Variants in CNIH3 observed in about 807,000 individuals in gnomAD.
The protein encoded by CNIH3 is cornichon family AMPA receptor auxiliary protein 3.
In CNIH3, 14 loss-of-function variants were observed where a neutral mutation model predicts 24.1. The observed-to-expected ratio is 0.58, with a 90% CI of 0.38 to 0.91. CNIH3 has a LOEUF of 0.91. Ranked by LOEUF, CNIH3 falls within the 40% of genes least tolerant of loss-of-function variation. CNIH3 has a pLI of 0.00. For synonymous variants in CNIH3, 68 were observed against 73.8 expected, an observed-to-expected ratio of 0.92 and a Z score of 0.40; for missense variants, 178 against 196.8, an observed-to-expected ratio of 0.90 and a Z score of 0.57.
downstream of CNIH3, among the ~76,000 whole-genome samples, chr1:224,589,405 A>G (rs1181291597): frequency 6.6e-6 from 1 of 152,208 alleles, no homozygotes; most frequent in Non-Finnish European, 1.5e-5. Context: ...GAGAGGGAAT[A>G]TCTGGGGCTA....
intron 3 of CNIH3, among the ~76,000 whole-genome samples, chr1:224,551,860 C>T (rs1462971970): frequency 6.6e-6 from 1 of 150,640 alleles, no homozygotes. Context: ...CCTCTGTGTA[C>T]ACCCACAGTT....
chr1:224,454,495 C>G (rs925699448), intron 1 of CNIH3, among the ~76,000 whole-genome samples: 3 of 152,076 alleles, frequency 2.0e-5, no homozygotes, highest in Non-Finnish European at 4.4e-5. Flanking sequence ...ACTGAGAGAC[C>G]TGGTGAGGAA....
At chr1:224,606,224 C>T (rs1383372671) in intron 3 of CNIH3, among the ~76,000 whole-genome samples, 1 of 152,162 alleles carries the variant, frequency 6.6e-6, no homozygotes, top group Non-Finnish European at 1.5e-5. Context: ...TGTTTAACAG[C>T]TCAGTGGAGG....
intron 1 of CNIH3, among the ~76,000 whole-genome samples, chr1:224,481,233 TA>T (rs2124821391): frequency 6.6e-6 from 1 of 152,310 alleles, no homozygotes; most frequent in Admixed American, 6.5e-5. Flanking sequence ...ATGATTCAGT[TA>T]CCTTCCACCA....
intron 3 of CNIH3, among the ~76,000 whole-genome samples, chr1:224,729,834 C>T (rs1259471229): frequency 6.6e-6 from 1 of 152,148 alleles, no homozygotes; most frequent in Non-Finnish European, 1.5e-5. Flanking sequence ...CTTTCTTGGT[C>T]AGGATCAGTT....
At chr1:224,567,854 A>T (rs1680643135) in intron 4 of CNIH3, among the ~76,000 whole-genome samples, 1 of 152,216 alleles carries the variant, frequency 6.6e-6, no homozygotes, top group Non-Finnish European at 1.5e-5. Context: ...GGATGTTATA[A>T]GATCGAGAAC....
intron 2 of CNIH3, among the ~76,000 whole-genome samples, chr1:224,531,591 C>A (rs1679073184): frequency 6.6e-6 from 1 of 152,102 alleles, no homozygotes. Flanking sequence ...TGTGTTGGAA[C>A]CAGGTTATGC....
Position 224,604,187 on chromosome 1 carries a change from A to G in CNIH3, n.402+37923A>G, listed in dbSNP as rs1682319652. On this transcript the variant is annotated intron_variant and non_coding_transcript_variant, in intron 3 of 7. Coordinates refer to the CNIH3 transcript ENST00000478120. The surrounding 1 kb of genome is among the most constrained non-coding windows in gnomAD (Gnocchi z 4.4). Reference sequence around the variant, plus strand: ...CCTGAATTAATGAGTTTAATTTTGAATTTAATTATTAATAAATTCTACTGA... The same window carrying G: ...CCTGAATTAATGAGTTTAATTTTGAGTTTAATTATTAATAAATTCTACTGA... 6.6e-6 allele frequency among the ~76,000 whole-genome samples: 1 copy of G among 152,244 alleles called. No homozygotes were observed. The highest frequency in any genetic ancestry group is 6.5e-5 in the Admixed American group (1 of 15,286).
chr1:224,574,732 T>C (rs1680962928), intron 4 of CNIH3: 3 of 1,200,862 alleles, frequency 2.5e-6, no homozygotes, highest in African/African-American at 1.5e-5. Flanking sequence ...CTCATTGACC[T>C]GAAGCTGGAC....
intron 1 of CNIH3, among the ~76,000 whole-genome samples, chr1:224,677,361 C>T (rs112904191): frequency 0.01 from 1,549 of 152,284 alleles, 22 homozygotes; most frequent in Non-Finnish European, 0.014. Flanking sequence ...GGACAGGCAC[C>T]GATCTTGTTG....
intron 2 of CNIH3, among the ~76,000 whole-genome samples, chr1:224,530,437 G>A (rs376447009): frequency 2.4e-4 from 36 of 152,006 alleles, no homozygotes; most frequent in East Asian, 1.2e-3. Flanking sequence ...TAGAGCTTAG[G>A]AACCACTTTC....
intron 1 of CNIH3, among the ~76,000 whole-genome samples, chr1:224,441,061 C>T (rs1261942354): frequency 6.6e-6 from 1 of 152,152 alleles, no homozygotes; most frequent in African/African-American, 2.4e-5. Flanking sequence ...CATGATCCGC[C>T]CCCCTCGGCC....
intron 3 of CNIH3, among the ~76,000 whole-genome samples, chr1:224,702,992 C>A (rs951752054): frequency 2.6e-5 from 4 of 152,124 alleles, no homozygotes; most frequent in African/African-American, 9.7e-5. Flanking sequence ...ATGTCCGAAC[C>A]TCATCATTGA....
At chr1:224,701,748 G>A (rs1308151764) in intron 3 of CNIH3, among the ~76,000 whole-genome samples, 4 of 152,164 alleles carry the variant, frequency 2.6e-5, no homozygotes, top group South Asian at 2.1e-4. Flanking sequence ...TGTAGACATC[G>A]TTATGGTCCC....
In CNIH3 at chr1:224,599,918, C is replaced by T. The variant is rs144912433; in HGVS notation, n.402+33654C>T. On this transcript the variant is annotated intron_variant and non_coding_transcript_variant, in intron 3 of 7. Transcript: ENST00000478120. ...TTTCTAAACTCTCTTTGCATTACAG[C>T]ATTACAGGTTTTCTATTGGGGCTTC... Among the ~76,000 whole-genome samples the T allele has an allele frequency of 2.9e-3, 447 of 152,238 alleles. 1 individual carries two copies. Among genetic ancestry groups the T allele is most frequent in the African/African-American group, 0.01 (424 of 41,542 alleles).
chr1:224,701,049 C>A (rs574773804), intron 3 of CNIH3, among the ~76,000 whole-genome samples: 2 of 152,282 alleles, frequency 1.3e-5, no homozygotes, highest in Non-Finnish European at 2.9e-5. Context: ...AGCATTGACC[C>A]ATGCTGGGGC....
intron 1 of CNIH3, among the ~76,000 whole-genome samples, chr1:224,624,533 C>G (rs891103997): frequency 2.0e-5 from 3 of 152,172 alleles, no homozygotes; most frequent in Non-Finnish European, 2.9e-5. Context: ...ACCCCATCTG[C>G]TCCTTCTGTA....
chr1:224,693,785 C>G (rs941139550), intron 3 of CNIH3, among the ~76,000 whole-genome samples: 3 of 152,246 alleles, frequency 2.0e-5, no homozygotes, highest in African/African-American at 7.2e-5. Flanking sequence ...ATGTTAGAGT[C>G]TGCTGGTCTC....
intron 3 of CNIH3, among the ~76,000 whole-genome samples, chr1:224,708,194 C>T (rs932262324): frequency 1.3e-4 from 20 of 152,204 alleles, no homozygotes; most frequent in African/African-American, 4.6e-4. Flanking sequence ...CCCTCCACTT[C>T]CTGTCCTCAC....
Sources: allele counts gnomAD v4.1 joint callset (sites outside exome capture counted in the v4.1 genomes callset), GRCh38; gene constraint gnomAD v4.1.1; non-coding constraint Gnocchi (gnomAD v3.1); transcripts MANE v1.5; gene names NCBI Gene and HGNC (gene_info 2026-07-23, HGNC 2026-07-21).